DCN: variants seen among roughly 807,000 people sequenced by gnomAD.
The protein encoded by DCN is bone proteoglycan II.
A neutral mutation model predicts 36.5 loss-of-function variants in DCN; 17 were observed. That is an observed-to-expected ratio of 0.47 (90% CI 0.32 to 0.70). DCN has a LOEUF of 0.70. DCN is among the 30% of genes least tolerant of loss of function. The pLI, the probability that DCN is intolerant of heterozygous loss-of-function variation, is 0.04. For synonymous variants in DCN, 163 were observed against 161.4 expected (o/e 1.01, Z -0.07); for missense variants, 389 against 430.1 (o/e 0.90, Z 0.84).
chr12:91,166,817 G>A (rs1166811246), intron 2 of DCN, among the ~76,000 whole-genome samples: 1 of 152,064 alleles, frequency 6.6e-6, no homozygotes, highest in Non-Finnish European at 1.5e-5. Context: ...AATTCTTGTA[G>A]TTTAGTTCTT....
intron 7 of DCN, 78 bp downstream of exon 7, chr12:91,151,576 T>C (rs781613765): frequency 1.3e-6 from 2 of 1,566,622 alleles, no homozygotes; most frequent in Admixed American, 3.4e-5. Flanking sequence ...AAGAGCTTCC[T>C]GCTTCCCAGC....
chr12:91,173,875 C>G (rs1883128528), intron 2 of DCN, among the ~76,000 whole-genome samples: 1 of 152,174 alleles, frequency 6.6e-6, no homozygotes, highest in East Asian at 1.9e-4. Context: ...GTGGTAACTT[C>G]TGACAAAATT....
In DCN at chr12:91,151,722, C is replaced by T; in HGVS notation, c.817G>A (p.Glu273Lys). ...GSLANTPHLRELHLDNNKLTR... is the reference protein window; with the variant it reads ...GSLANTPHLRKLHLDNNKLTR... ...AGCTTGTTGTTGTCCAAGTGAAGCT[C>T]CCTCAGATGAGGCGTGTTGGCCAGA... Residue 273 changes from glutamate to lysine, a missense_variant, in exon 7 of 8, where the codon GAG (glutamate) becomes AAG (lysine). Coordinates refer to ENST00000052754, the MANE Select transcript of DCN (RefSeq NM_001920.5). 6.2e-7 allele frequency: 1 copy of T among 1,614,034 alleles called. No homozygotes were observed. Among genetic ancestry groups the T allele is most frequent in the South Asian group, 1.1e-5 (1 of 91,080 alleles).
At chr12:91,158,909 C>A (rs891783684) in intron 3 of DCN, among the ~76,000 whole-genome samples, 1 of 151,396 alleles carries the variant, frequency 6.6e-6, no homozygotes, top group Admixed American at 6.6e-5. Flanking sequence ...TTGCAGTGAG[C>A]TGAGATCACA....
intron 3 of DCN, among the ~76,000 whole-genome samples, 149 bp downstream of exon 3, chr12:91,164,451 TAAAAA>T (rs1221687666): frequency 2.0e-5 from 1 of 49,644 alleles, no homozygotes; most frequent in Non-Finnish European, 4.1e-5. Context: ...GCAGAATTAA[TAAAAA>T]AAAAGTAAAA....
chr12:91,152,829 CTT>C (rs1881519396), intron 6 of DCN, among the ~76,000 whole-genome samples: 1 of 151,742 alleles, frequency 6.6e-6, no homozygotes, highest in South Asian at 2.1e-4. Flanking sequence ...TAATCACACA[CTT>C]TGTGTATAAA....
chr12:91,177,126 C>T (rs768699766), intron 2 of DCN: 13 of 159,072 alleles, frequency 8.2e-5, no homozygotes, highest in Non-Finnish European at 1.5e-4. Context: ...TTCTGAATGA[C>T]TGAACAAATA....
intron 4 of DCN, 75 bp downstream of exon 4, chr12:91,158,221 G>A: frequency 1.1e-6 from 1 of 925,148 alleles, no homozygotes; most frequent in East Asian, 2.4e-5. Context: ...TTACCTTCCT[G>A]CACTTAAAAC....
At chr12:91,179,862 A>AT (rs1369910779) in intron 1 of DCN, 1 of 152,148 alleles carries the variant, frequency 6.6e-6, no homozygotes, top group Non-Finnish European at 1.5e-5. Context: ...GAAAATTCTG[A>AT]TTTTTATGTG....
intron 2 of DCN, among the ~76,000 whole-genome samples, chr12:91,171,145 C>T (rs3138193): frequency 0.011 from 1,679 of 152,082 alleles, 27 homozygotes; most frequent in African/African-American, 0.037. Context: ...CATTAAGGTA[C>T]GACTTAATAC....
At chr12:91,155,304 G>A (rs1015270998) in intron 5 of DCN, among the ~76,000 whole-genome samples, 5 of 152,078 alleles carry the variant, frequency 3.3e-5, no homozygotes, top group African/African-American at 1.2e-4. Flanking sequence ...GACGTTGTAA[G>A]AATCATATAG....
intron 2 of DCN, 87 bp downstream of exon 2, chr12:91,178,255 T>A (rs968896573): frequency 4.9e-6 from 6 of 1,220,182 alleles, no homozygotes; most frequent in Non-Finnish European, 7.3e-6. Context: ...TTAGAGAGAT[T>A]AAAACTGAAA....
chr12:91,171,858 T>A (rs978338078), intron 2 of DCN, among the ~76,000 whole-genome samples: 10 of 151,700 alleles, frequency 6.6e-5, no homozygotes, highest in Non-Finnish European at 1.3e-4. Flanking sequence ...GCAAATTAAA[T>A]TTTTTTTTAA....
chr12:91,146,330 T>G, intron 7 of DCN, 78 bp from the exon 8 acceptor site: 1 of 819,490 alleles, frequency 1.2e-6, no homozygotes, highest in South Asian at 1.7e-5. Context: ...TTTATTTTTT[T>G]TATTATTTTT....
At position 91,143,971 on chromosome 12, in the gene DCN, G is replaced by T. The variant is rs1432756146; in HGVS notation, c.*2087C>A. 6.6e-6 allele frequency: 1 copy of T among 151,874 alleles called. No individual in the cohort carries two copies. The highest frequency in any genetic ancestry group is 1.5e-5 in the Non-Finnish European group (1 of 67,966). 9.4% of individuals were successfully genotyped at this position (151,874 alleles called of 1,614,324 possible). ...CTCATTTTGATACTGAACAAAATTA[G>T]AAGTAGCTTGACTACTGGAAAAGTG... On this transcript the variant is annotated 3_prime_UTR_variant, in exon 8 of 8. Coordinates refer to ENST00000052754, the MANE Select transcript of DCN (RefSeq NM_001920.5).
intron 7 of DCN, 97 bp from the exon 8 acceptor site, chr12:91,146,349 C>G: frequency 2.1e-6 from 1 of 474,068 alleles, no homozygotes. Context: ...TTTAATCCTT[C>G]ACTTTTTTTT....
chr12:91,178,659 C>T (rs1883448077), intron 1 of DCN, 74 bp from the exon 2 acceptor site: 2 of 876,250 alleles, frequency 2.3e-6, no homozygotes, highest in African/African-American at 1.7e-5. Context: ...TAATATGCCA[C>T]AATACAGTGA....
chr12:91,164,273 A>T (rs1051872007), intron 3 of DCN, among the ~76,000 whole-genome samples: 1 of 151,554 alleles, frequency 6.6e-6, no homozygotes, highest in African/African-American at 2.4e-5. Flanking sequence ...GCTAGATGAC[A>T]CGTTAGTGGG....
intron 7 of DCN, among the ~76,000 whole-genome samples, chr12:91,150,507 A>G (rs865992799): frequency 4.6e-5 from 7 of 152,184 alleles, no homozygotes; most frequent in Non-Finnish European, 8.8e-5. Context: ...AAAATGATAA[A>G]ATAGATTAAT....
Sources: gnomAD v4.1 joint callset for allele counts (sites outside exome capture counted in the v4.1 genomes callset) on GRCh38, gnomAD v4.1.1 for gene constraint, MANE v1.5 for transcripts, NCBI Gene and HGNC (gene_info 2026-07-23, HGNC 2026-07-21) for gene names.